NPHP1: variants seen among roughly 807,000 people sequenced by gnomAD.
NPHP1 encodes the protein nephrocystin 1, also known as nephrocystin-1.
In NPHP1, 70 loss-of-function variants were observed where a neutral mutation model predicts 90.4. The ratio of observed to expected loss-of-function variants is 0.77; its 90% CI spans 0.64 to 0.95. The LOEUF is 0.95. NPHP1 is among the 40% of genes least tolerant of loss of function. The pLI is 0.00. For synonymous variants in NPHP1, 256 were observed against 271.7 expected (o/e 0.94, Z 0.57); for missense variants, 764 against 795.9 (o/e 0.96, Z 0.48).
intron 2 of NPHP1, among the ~76,000 whole-genome samples, chr2:110,195,702 C>T (rs1311779360): frequency 6.6e-6 from 1 of 152,122 alleles, no homozygotes; most frequent in Admixed American, 6.5e-5. Context: ...CCAAGTCAAT[C>T]CTAAGCCAAA....
rs1437104283 is a variant in NPHP1, at chr2:110,164,662, T to C, written c.771+26A>G. On this transcript the variant is annotated intron_variant, in intron 8 of 19. Coordinates refer to ENST00000445609, the MANE Select transcript of NPHP1 (RefSeq NM_001128178.3). ...AACTATTAGGTAGCAAAACGAGACA[T>C]GATTAACAAGACAGAAGATGCCCGC... 6.2e-6 allele frequency: 10 copies of C among 1,613,852 alleles called. No homozygotes were observed. Among genetic ancestry groups the C allele is most frequent in the East Asian group, 2.2e-5 (1 of 44,878 alleles).
intron 11 of NPHP1, among the ~76,000 whole-genome samples, chr2:110,159,429 AT>A (rs200875980): frequency 6.6e-6 from 1 of 151,420 alleles, no homozygotes; most frequent in Admixed American, 6.6e-5. Flanking sequence ...TTGTGGCAAG[AT>A]TTTTTTTTAA....
chr2:110,149,806 T>C (rs2104504233), intron 12 of NPHP1, among the ~76,000 whole-genome samples: 1 of 152,318 alleles, frequency 6.6e-6, no homozygotes, highest in East Asian at 1.9e-4. Flanking sequence ...GTCTTGACAG[T>C]GTGTGGGTGT....
intron 8 of NPHP1, chr2:110,164,122 G>A: frequency 3.8e-6 from 1 of 261,450 alleles, no homozygotes; most frequent in East Asian, 1.0e-4. Flanking sequence ...CTACAGCCTT[G>A]ACTTCCCAAA....
intron 18 of NPHP1, 72 bp downstream of exon 18, chr2:110,129,114 G>C: frequency 1.1e-6 from 1 of 916,320 alleles, no homozygotes; most frequent in Non-Finnish European, 1.6e-6. Context: ...GGCCTAGACA[G>C]AACTCATTAA....
intron 2 of NPHP1, chr2:110,184,508 C>A: frequency 9.0e-7 from 1 of 1,115,720 alleles, no homozygotes. Context: ...ATGCCACAGG[C>A]AGGACCACGG....
chr2:110,164,692 G>A lies in NPHP1; in HGVS notation c.767C>T (p.Ser256Leu). The change falls in exon 8 of 20, where the codon TCA becomes TTA. Residue 256 changes from serine (S) to leucine (L), a missense_variant. Coordinates refer to ENST00000445609, the MANE Select transcript of NPHP1 (RefSeq NM_001128178.3). ...AACAAGACAGAAGATGCCCGCCTCT[G>A]AAATCGCTTTCTGAACAGCACTCCA... ...PHWSAVQKAISEQINTVDVLT... is the reference protein window; with the variant it reads ...PHWSAVQKAILEQINTVDVLT... 1 of 1,614,054 alleles carries A rather than the reference G, an allele frequency of 6.2e-7. No individual in the cohort carries two copies. Among genetic ancestry groups the A allele is most frequent in the Non-Finnish European group, 8.5e-7 (1 of 1,179,986 alleles).
chr2:110,169,953 ATCT>A lies in NPHP1; in HGVS notation c.372_374del (p.Glu124del), dbSNP rs778684726. The A allele has an allele frequency of 1.2e-6, 2 of 1,607,946 alleles. No homozygotes were observed. Among genetic ancestry groups the A allele is most frequent in the East Asian group, 4.5e-5 (2 of 44,822 alleles). On this transcript the variant is annotated inframe_deletion, in exon 5 of 20. Transcript: ENST00000445609. Reference sequence around the variant, plus strand: ...CTTCCTCCCCACCACTGTCTTCACTATCTTCACTTTCACTTTCTTCCTCTTCTT... The same window carrying A: ...CTTCCTCCCCACCACTGTCTTCACTATCACTTTCACTTTCTTCCTCTTCTT...
At chr2:110,195,975 C>T (rs2104692266) in intron 2 of NPHP1, among the ~76,000 whole-genome samples, 1 of 152,208 alleles carries the variant, frequency 6.6e-6, no homozygotes, top group East Asian at 1.9e-4. Context: ...AACTGGATGC[C>T]TTCCTTACAC....
rs546113109 is a variant in NPHP1, at chr2:110,158,918, T to C, written c.1083+1209A>G. ...AATGCTAGTTTTAGGTTTTTTCTTG[T>C]TGCATTTTGCAATTTGAGGACTCTC... On this transcript the variant is annotated intron_variant, in intron 11 of 19. Coordinates refer to ENST00000445609, the MANE Select transcript of NPHP1 (RefSeq NM_001128178.3). Among the ~76,000 whole-genome samples the C allele has an allele frequency of 3.2e-5, 4 of 126,244 alleles. No individual in the cohort carries two copies. The East Asian group carries it at 1.2e-3, about 38-fold the overall frequency. The allele number at this position is 126,244 out of a possible 152,430, so 82.8% of individuals were successfully genotyped here. A position where few individuals can be genotyped will look rare whatever the true frequency, so the allele number is the denominator to read the frequency against.
chr2:110,174,916 C>A (rs919194040), intron 4 of NPHP1, among the ~76,000 whole-genome samples: 2 of 151,526 alleles, frequency 1.3e-5, no homozygotes, highest in African/African-American at 2.4e-5. Flanking sequence ...CTATAATGTA[C>A]CTCTGGAGAA....
rs758233633 is a variant in NPHP1 at position 110,178,565 on chromosome 2, T to C, written c.205-18A>G. ...TCATCAGCCTATGAGAGAATATAGG[T>C]CTATTTCACTAAAAAATTAATTTCA... On this transcript the variant is annotated intron_variant, in intron 3 of 19. Transcript: ENST00000445609. 1.9e-6 allele frequency: 3 copies of C among 1,579,278 alleles called. No individual in the cohort carries two copies. The South Asian group carries it at 3.5e-5, about 19-fold the overall frequency.
At chr2:110,145,913 C>A (rs912926010) in intron 14 of NPHP1, among the ~76,000 whole-genome samples, 1 of 152,180 alleles carries the variant, frequency 6.6e-6, no homozygotes, top group African/African-American at 2.4e-5. Context: ...AGGACTTCTA[C>A]CTCTGCCAAT....
At chr2:110,158,293 T>C (rs193149026) in intron 11 of NPHP1, among the ~76,000 whole-genome samples, 4 of 152,256 alleles carry the variant, frequency 2.6e-5, no homozygotes, top group Admixed American at 6.5e-5. Flanking sequence ...TGAAGTGTTA[T>C]GTGAATATCA....
chr2:110,184,262 C>A, intron 2 of NPHP1: 2 of 586,942 alleles, frequency 3.4e-6, no homozygotes, highest in South Asian at 1.5e-5. Flanking sequence ...AAGGGCTGCT[C>A]TCAATCTGCT....
At chr2:110,137,368 A>G (rs1283417714) in intron 16 of NPHP1, among the ~76,000 whole-genome samples, 6 of 152,206 alleles carry the variant, frequency 3.9e-5, no homozygotes, top group Non-Finnish European at 7.4e-5. Flanking sequence ...AAAAGAAACT[A>G]CCATCAGAGT....
intron 4 of NPHP1, 78 bp downstream of exon 4, chr2:110,178,345 A>G (rs1182090894): frequency 1.5e-6 from 2 of 1,362,216 alleles, no homozygotes; most frequent in Non-Finnish European, 2.1e-6. Context: ...ATACTGCTAT[A>G]TGTCTTTGAG....
At position 110,152,536 on chromosome 2, in the gene NPHP1, C is replaced by G. The variant is rs566894670; in HGVS notation, c.1084-2280G>C. Among the ~76,000 whole-genome samples the G allele has an allele frequency of 1.5e-4, 22 of 147,572 alleles. No homozygotes were observed. The South Asian group carries it at 4.3e-3, about 29-fold the overall frequency. On this transcript the variant is annotated intron_variant, in intron 11 of 19. Transcript: ENST00000445609. ...GGTAGCAAGGGGCTGGATTTGTATG[C>G]TATATATCACCCCATGATAGAGAAA...
intron 11 of NPHP1, among the ~76,000 whole-genome samples, chr2:110,155,613 A>G (rs1020978202): frequency 7.9e-5 from 12 of 152,172 alleles, no homozygotes; most frequent in Admixed American, 2.6e-4. Context: ...GATGTGAGAC[A>G]TGGAGTCAAA....
Sources: gnomAD v4.1 joint callset for allele counts (sites outside exome capture counted in the v4.1 genomes callset) on GRCh38, gnomAD v4.1.1 for gene constraint, MANE v1.5 for transcripts, NCBI Gene and HGNC (gene_info 2026-07-23, HGNC 2026-07-21) for gene names.